Variants in C5orf22 observed in about 807,000 individuals in gnomAD.
C5orf22 encodes chromosome 5 open reading frame 22, also known as UPF0489 protein C5orf22.
C5orf22 carries 36 observed loss-of-function variants against 48.7 expected under a neutral mutation model. The observed-to-expected ratio is 0.74, with a 90% CI of 0.57 to 0.98. The LOEUF (loss-of-function observed/expected upper bound fraction) is 0.98, where lower values mean the gene tolerates loss of function less well. Ranked by LOEUF, C5orf22 falls within the 50% of genes least tolerant of loss-of-function variation. C5orf22 has a pLI of 0.00. For missense variants in C5orf22, 486 were observed against 521.9 expected (o/e 0.93, Z 0.67); for synonymous variants, 141 against 180.8 (o/e 0.78, Z 1.76).
At chr5:31,541,679 G>A (rs1742478075) in intron 6 of C5orf22, among the ~76,000 whole-genome samples, 1 of 152,130 alleles carries the variant, frequency 6.6e-6, no homozygotes. Flanking sequence ...AGGCTGAAGT[G>A]GGAGGATTGC....
At chr5:31,537,105 T>C (rs1253777645) in intron 3 of C5orf22, among the ~76,000 whole-genome samples, 1 of 152,236 alleles carries the variant, frequency 6.6e-6, no homozygotes. Context: ...ATACTACTGG[T>C]ATATGTGAAA....
In C5orf22 at chr5:31,532,430, G is replaced by T. The variant is rs1254073313; in HGVS notation, c.38G>T (p.Arg13Leu). The change falls in exon 1 of 9, where the codon CGT becomes CTT. Residue 13 changes from arginine (R) to leucine (L), a missense_variant. By Grantham distance (102) the Arg-to-Leu change is moderately radical. This residue lies in a region of C5orf22 where 74 missense variants were observed against 61.2 expected (regional missense o/e 1.21). Coordinates refer to ENST00000325366, the MANE Select transcript of C5orf22 (RefSeq NM_018356.3). ...GCGGGAGGGCGCGCTGGTCTCCGGC[G>T]TTACCCCAAGCTCCCAGTGTGGGTG... ...DSAGGRAGLRRYPKLPVWVVE... is the reference protein window; with the variant it reads ...DSAGGRAGLRLYPKLPVWVVE... 6.2e-7 allele frequency: 1 copy of T among 1,613,866 alleles called. No individual in the cohort carries two copies.
At chr5:31,534,007 G>T (rs1272599814) in intron 1 of C5orf22, among the ~76,000 whole-genome samples, 2 of 152,176 alleles carry the variant, frequency 1.3e-5, no homozygotes, top group East Asian at 3.9e-4. Context: ...CCCAGTCCTG[G>T]TCTGTTTCCC....
rs1452888464 is a variant in C5orf22 at position 31,554,154 on chromosome 5, T to G, written c.*1252T>G. 1 of 152,246 alleles carries G rather than the reference T, an allele frequency of 6.6e-6. No individual in the cohort carries two copies. Among genetic ancestry groups the G allele is most frequent in the Non-Finnish European group, 1.5e-5 (1 of 68,040 alleles). The allele number at this position is 152,246 out of a possible 1,614,324, so 9.4% of individuals were successfully genotyped here. A position where few individuals can be genotyped will look rare whatever the true frequency, so the allele number is the denominator to read the frequency against. On this transcript the variant is annotated 3_prime_UTR_variant, in exon 9 of 9. Coordinates refer to ENST00000325366, the MANE Select transcript of C5orf22 (RefSeq NM_018356.3). ...GTAATTTTTACCTACCTACTTGATT[T>G]ATTTTCCTTTAAAAGGTGAAATGAC...
rs537024215 is a variant in C5orf22, at chr5:31,545,555, A to T, written c.993-91A>T. The T allele has an allele frequency of 1.8e-5, 15 of 844,164 alleles. No individual in the cohort carries two copies. In the East Asian group the frequency reaches 3.7e-4, roughly 21 times the overall value. The allele number at this position is 844,164 out of a possible 1,614,324, so 52.3% of individuals were successfully genotyped here. On this transcript the variant is annotated intron_variant, in intron 6 of 8. Coordinates refer to ENST00000325366, the MANE Select transcript of C5orf22 (RefSeq NM_018356.3). Reference sequence around the variant, plus strand: ...CAAGTGCCATATGAAGCATGTTATTATGGTAAATGTTAGTATAATGTATAA... The same window carrying T: ...CAAGTGCCATATGAAGCATGTTATTTTGGTAAATGTTAGTATAATGTATAA...
rs370459381 is a variant in C5orf22, at chr5:31,541,051, C to T, written c.870+40C>T. The T allele has an allele frequency of 2.0e-6, 3 of 1,466,036 alleles. No individual in the cohort carries two copies. The African/African-American group carries it at 4.2e-5, about 21-fold the overall frequency. The allele number at this position is 1,466,036 out of a possible 1,614,324, so 90.8% of individuals were successfully genotyped here. On this transcript the variant is annotated intron_variant, in intron 5 of 8. Transcript: ENST00000325366. Reference sequence around the variant, plus strand: ...TTTCTTTGGGGTTTTATTCATTTATCATATAACTAATAATATCTTGCAAAT... The same window carrying T: ...TTTCTTTGGGGTTTTATTCATTTATTATATAACTAATAATATCTTGCAAAT...
At chr5:31,545,749 T>C in intron 7 of C5orf22, 37 bp downstream of exon 7, 1 of 1,363,218 alleles carries the variant, frequency 7.3e-7, no homozygotes, top group Non-Finnish European at 1.0e-6. Flanking sequence ...ATTGACCCTT[T>C]GTAAAGACAA....
At chr5:31,533,159 T>C (rs1741777434) in intron 1 of C5orf22, among the ~76,000 whole-genome samples, 1 of 151,974 alleles carries the variant, frequency 6.6e-6, no homozygotes, top group Admixed American at 6.6e-5. Context: ...TTCGCCACGT[T>C]AGCCAGGATG....
intron 8 of C5orf22, 55 bp downstream of exon 8, chr5:31,551,487 T>G: frequency 7.4e-7 from 1 of 1,352,382 alleles, no homozygotes; most frequent in Non-Finnish European, 1.0e-6. Context: ...TCCTAATCTC[T>G]GGAACCTGTG....
At chr5:31,551,255 CTG>C (rs762763482) in intron 7 of C5orf22, 36 bp from the exon 8 acceptor site, 23 of 1,597,658 alleles carry the variant, frequency 1.4e-5, no homozygotes, top group Middle Eastern at 1.9e-4. Flanking sequence ...ATAAAAACAA[CTG>C]TCATACAGTG....
At chr5:31,550,240 C>T (rs534049315) in intron 7 of C5orf22, among the ~76,000 whole-genome samples, 46 of 152,294 alleles carry the variant, frequency 3.0e-4, no homozygotes, top group African/African-American at 1.1e-3. Flanking sequence ...CTAGGCAAAA[C>T]TATGACATAG....
At chr5:31,538,032 C>T in intron 3 of C5orf22, 1 of 437,364 alleles carries the variant, frequency 2.3e-6, no homozygotes, top group East Asian at 3.6e-5. Context: ...ATCACATGGC[C>T]ACACCAGGCT....
At chr5:31,533,380 C>A (rs1347780451) in intron 1 of C5orf22, among the ~76,000 whole-genome samples, 4 of 152,210 alleles carry the variant, frequency 2.6e-5, no homozygotes, top group African/African-American at 9.6e-5. Context: ...CTAGACTTTT[C>A]CAAGTCAACA....
intron 3 of C5orf22, 24 bp downstream of exon 3, chr5:31,535,917 A>G (rs1474444463): frequency 6.2e-7 from 1 of 1,603,176 alleles, no homozygotes; most frequent in East Asian, 2.2e-5. Flanking sequence ...ATTTGTGAAT[A>G]TGGAAGTGAT....
At chr5:31,544,867 C>T (rs546360977) in intron 6 of C5orf22, among the ~76,000 whole-genome samples, 4 of 150,982 alleles carry the variant, frequency 2.6e-5, no homozygotes, top group South Asian at 2.1e-4. Flanking sequence ...CCCAGGAGTT[C>T]GAGGCTGCAG....
In C5orf22 at chr5:31,554,321, T is replaced by C. The variant is rs560752174; in HGVS notation, c.*1419T>C. The C allele has an allele frequency of 4.6e-5, 7 of 152,332 alleles. No homozygotes were observed. In the East Asian group the frequency reaches 7.7e-4, roughly 17 times the overall value. The allele number at this position is 152,332 out of a possible 1,614,324, so 9.4% of individuals were successfully genotyped here. A position where few individuals can be genotyped will look rare whatever the true frequency, so the allele number is the denominator to read the frequency against. On this transcript the variant is annotated 3_prime_UTR_variant, in exon 9 of 9. Coordinates refer to ENST00000325366, the MANE Select transcript of C5orf22 (RefSeq NM_018356.3). ...AAAATTATAGTGTGCTGCCTAACTT[T>C]GTGCTAATAACGAAGGACACACATT...
At chr5:31,537,972 AC>A (rs1474701599) in intron 3 of C5orf22, among the ~76,000 whole-genome samples, 1 of 152,256 alleles carries the variant, frequency 6.6e-6, no homozygotes, top group Non-Finnish European at 1.5e-5. Flanking sequence ...GAACAGGAGA[AC>A]AAAGCTCTGC....
intron 3 of C5orf22, among the ~76,000 whole-genome samples, 168 bp downstream of exon 3, chr5:31,536,061 T>C (rs1222139060): frequency 1.3e-5 from 2 of 152,224 alleles, no homozygotes; most frequent in African/African-American, 2.4e-5. Flanking sequence ...TCTCTTGATA[T>C]TCTTCATGTA....
intron 2 of C5orf22, among the ~76,000 whole-genome samples, chr5:31,535,510 A>G (rs143309632): frequency 4.9e-4 from 74 of 152,332 alleles, no homozygotes; most frequent in Non-Finnish European, 8.8e-4. Flanking sequence ...TGGAACATCA[A>G]CCCACCAGTG....
Sources: allele counts gnomAD v4.1 joint callset (sites outside exome capture counted in the v4.1 genomes callset), GRCh38; gene constraint gnomAD v4.1.1; regional missense constraint gnomAD v4.1.1; transcripts MANE v1.5; gene names NCBI Gene and HGNC (gene_info 2026-07-23, HGNC 2026-07-21).